Variants in RASAL1 observed in about 807,000 individuals in gnomAD.
RASAL1 encodes the protein rasGAP-activating-like protein 1.
RASAL1 carries 72 observed loss-of-function variants against 96.6 expected under a neutral mutation model. That is an observed-to-expected ratio of 0.75 (90% confidence interval 0.62 to 0.91). The LOEUF (loss-of-function observed/expected upper bound fraction) is 0.91, where lower values mean the gene tolerates loss of function less well. Among genes scored for constraint, RASAL1 ranks in the 40% least tolerant of loss-of-function variants. The pLI, the probability that RASAL1 is intolerant of heterozygous loss-of-function variation, is 0.00. For synonymous variants in RASAL1, 405 were observed against 430.4 expected, an observed-to-expected ratio of 0.94 and a Z score of 0.73; for missense variants, 1,016 against 1,072.5, an observed-to-expected ratio of 0.95 and a Z score of 0.74.
chr12:113,132,556 C>T (rs774726096), intron 1 of RASAL1, among the ~76,000 whole-genome samples: 5 of 152,218 alleles, frequency 3.3e-5, no homozygotes, highest in African/African-American at 7.2e-5. Flanking sequence ...CCCTCTCCCT[C>T]GATGCCCCAG....
chr12:113,107,006 T>G lies in RASAL1; in HGVS notation c.1657+91A>C, dbSNP rs964691223. 11 of 1,365,320 alleles carry G rather than the reference T, an allele frequency of 8.1e-6. No individual in the cohort carries two copies. The African/African-American group carries it at 1.5e-4, about 18-fold the overall frequency. 84.6% of individuals were successfully genotyped at this position (1,365,320 alleles called of 1,614,324 possible). A position where few individuals can be genotyped will look rare whatever the true frequency, so the allele number is the denominator to read the frequency against. On this transcript the variant is annotated intron_variant, in intron 15 of 20. Coordinates refer to ENST00000548055, the MANE Select transcript of RASAL1 (RefSeq NM_001301202.2). ...CTGACCCACAGATTCACATTCTTAG[T>G]GCTGAGGAGCTGGAGGGGGAAAGGG...
intron 14 of RASAL1, 134 bp downstream of exon 14, chr12:113,107,951 A>AGTT (rs2136129024): frequency 9.9e-7 from 1 of 1,008,812 alleles, no homozygotes; most frequent in Non-Finnish European, 1.4e-6. Flanking sequence ...TGGAATGCTA[A>AGTT]CGGTGGTGTT....
At chr12:113,127,606 C>T (rs575238492) in intron 4 of RASAL1, among the ~76,000 whole-genome samples, 26 of 152,284 alleles carry the variant, frequency 1.7e-4, no homozygotes, top group African/African-American at 5.3e-4. Context: ...GCTATGATAG[C>T]ACCACCGCAC....
Position 113,125,418 on chromosome 12 carries a change from C to T in RASAL1, c.298+2394G>A, listed in dbSNP as rs534048968. 2.0e-5 allele frequency among the ~76,000 whole-genome samples: 3 copies of T among 151,932 alleles called. 1 individual carries two copies. In the South Asian group the frequency reaches 6.2e-4, roughly 32 times the overall value. On this transcript the variant is annotated intron_variant, in intron 4 of 20. Transcript: ENST00000548055. ...CAAATCAATAAGAAAAGGCAAACAA[C>T]CTAGTGGGGGGAAATTCATGTATAA...
chr12:113,115,227 T>C lies in RASAL1; in HGVS notation c.1041A>G (p.Ala347=), dbSNP rs1476960167. 5 of 1,613,860 alleles carry C rather than the reference T, an allele frequency of 3.1e-6. No individual in the cohort carries two copies. Among genetic ancestry groups the C allele is most frequent in the East Asian group, 4.5e-5 (2 of 44,888 alleles). The change falls in exon 11 of 21, where the codon GCA becomes GCG. Residue 347 remains alanine (A), a synonymous_variant. Transcript: ENST00000548055. This position sits in a 1 kb window ranked among gnomAD's most constrained non-coding sequence, Gnocchi z 4.1. ...TCATAAACTGTTCCATCGACTTGGA[T>C]GCCAGGGAGTTAGAACGGAAGAGGG... ...PNTLFRSNSL[A]SKSMEQFMKL...
intron 16 of RASAL1, 28 bp from the exon 17 acceptor site, chr12:113,104,326 T>A: frequency 2.6e-6 from 4 of 1,531,942 alleles, no homozygotes; most frequent in Non-Finnish European, 3.5e-6. Context: ...CGCTGCAGGA[T>A]GGGCTGGGGG....
Position 113,117,148 on chromosome 12 carries a change from G to A in RASAL1, c.656C>T (p.Pro219Leu), listed in dbSNP as rs771387920. 3.1e-6 allele frequency: 5 copies of A among 1,601,560 alleles called. No homozygotes were observed. In the South Asian group the frequency reaches 5.5e-5, roughly 18 times the overall value. ...NDFLGMVEFS[P>L]KTLQQKPPKG... ...AGGTGGCTTCTGCTGGAGGGTCTTTGGAGAGAACTCCACCTTTTGAGAGAG... is the reference window on the plus strand; with the variant it reads ...AGGTGGCTTCTGCTGGAGGGTCTTTAGAGAGAACTCCACCTTTTGAGAGAG... Residue 219 changes from proline (P) to leucine (L), a missense_variant, in exon 8 of 21, where the codon CCA (proline) becomes CTA (leucine). Coordinates refer to ENST00000548055, the MANE Select transcript of RASAL1 (RefSeq NM_001301202.2).
intron 13 of RASAL1, among the ~76,000 whole-genome samples, chr12:113,111,328 A>G (rs2136151113): frequency 6.6e-6 from 1 of 152,004 alleles, no homozygotes; most frequent in East Asian, 1.9e-4. Flanking sequence ...GCCAGACTCT[A>G]TTATTTGCTG....
intron 7 of RASAL1, 135 bp downstream of exon 7, chr12:113,118,993 G>T: frequency 1.8e-6 from 2 of 1,138,682 alleles, no homozygotes; most frequent in Non-Finnish European, 2.5e-6. Flanking sequence ...CAACACTCAG[G>T]CCTAACCAGG....
At position 113,115,333 on chromosome 12, in the gene RASAL1, G is replaced by T; in HGVS notation, c.1004-69C>A. On this transcript the variant is annotated intron_variant, in intron 10 of 20. Transcript: ENST00000548055. This position sits in a 1 kb window ranked among gnomAD's most constrained non-coding sequence, Gnocchi z 4.1. ...AACCCAGCTCACCCCACTCACCCAA[G>T]GTGGGAGTCATGATTCTTCCAGCCC... 1 of 1,397,280 alleles carries T rather than the reference G, an allele frequency of 7.2e-7. No homozygotes were observed. The highest frequency in any genetic ancestry group is 1.2e-5 in the South Asian group (1 of 86,562). The allele number at this position is 1,397,280 out of a possible 1,614,324, so 86.6% of individuals were successfully genotyped here.
At chr12:113,105,300 T>C (rs898255118) in intron 16 of RASAL1, among the ~76,000 whole-genome samples, 25 of 152,256 alleles carry the variant, frequency 1.6e-4, no homozygotes, top group African/African-American at 5.5e-4. Context: ...GTTTGCTGAA[T>C]GAATGAACGA....
intron 14 of RASAL1, chr12:113,107,607 A>T (rs757614142): frequency 2.2e-5 from 10 of 445,578 alleles, no homozygotes; most frequent in Non-Finnish European, 4.4e-5. Context: ...TGGGTGACAG[A>T]GCGAGACTTG....
chr12:113,131,043 A>T, intron 1 of RASAL1, 102 bp from the exon 2 acceptor site: 1 of 829,530 alleles, frequency 1.2e-6, no homozygotes. Context: ...GCACAGACAG[A>T]GAAGGGGACT....
In RASAL1 at chr12:113,135,624, G is replaced by C; in HGVS notation, c.-162C>G. 1 of 648,088 alleles carries C rather than the reference G, an allele frequency of 1.5e-6. No homozygotes were observed. Among genetic ancestry groups the C allele is most frequent in the African/African-American group, 1.8e-5 (1 of 55,134 alleles). 40.1% of individuals were successfully genotyped at this position (648,088 alleles called of 1,614,324 possible). On this transcript the variant is annotated 5_prime_UTR_variant, in exon 1 of 21. Transcript: ENST00000548055. The surrounding 1 kb of genome is among the most constrained non-coding windows in gnomAD (Gnocchi z 5.7). ...GCTGGATGGGAGATTTCCGAAAGAGGAGAAGGTGTAGGTGCCCGGGGAGGG... is the reference window on the plus strand; with the variant it reads ...GCTGGATGGGAGATTTCCGAAAGAGCAGAAGGTGTAGGTGCCCGGGGAGGG...
At position 113,127,846 on chromosome 12, in the gene RASAL1, C is replaced by T. The variant is rs758585183; in HGVS notation, c.264G>A (p.Ser88=). The stretch of plus-strand genomic sequence containing the variant: ...CGGCTGTAATCGCCTCCCTGCTCAG[C>T]GAGATCTTGCCGATGATGTCGTCGT... ...VGHDDIIGKI[S]LSREAITADP... is the part of the protein sequence containing the mutation. The change falls in exon 4 of 21, where the codon TCG becomes TCA. Residue 88 remains serine (S), a synonymous_variant. Transcript: ENST00000548055. 1.6e-5 allele frequency: 26 copies of T among 1,613,206 alleles called. No homozygotes were observed. The African/African-American group carries it at 2.8e-4, about 17-fold the overall frequency.
chr12:113,117,185 C>T, intron 7 of RASAL1, 24 bp from the exon 8 acceptor site: 1 of 1,537,974 alleles, frequency 6.5e-7, no homozygotes, highest in Non-Finnish European at 8.9e-7. Context: ...CACACAGACC[C>T]TCAGCCGGGC....
At chr12:113,120,121 C>T (rs574341399) in intron 5 of RASAL1, among the ~76,000 whole-genome samples, 8 of 152,286 alleles carry the variant, frequency 5.3e-5, no homozygotes, top group Admixed American at 3.9e-4. Flanking sequence ...TCCTTCTTGA[C>T]GTTCTCCAAA....
intron 16 of RASAL1, 102 bp from the exon 17 acceptor site, chr12:113,104,400 G>T: frequency 8.2e-7 from 1 of 1,214,826 alleles, no homozygotes; most frequent in Non-Finnish European, 1.2e-6. Flanking sequence ...AGTTCCCAGC[G>T]GCGGGACATT....
intron 1 of RASAL1, among the ~76,000 whole-genome samples, chr12:113,131,247 T>TGGGGGGGGG (rs377751569): frequency 1.0e-4 from 2 of 19,564 alleles, no homozygotes; most frequent in Admixed American, 4.9e-4. Context: ...AGAGCGTGTG[T>TGGGGGGGGG]GGGGGGGGTG....
Sources: gnomAD v4.1 joint callset for allele counts (sites outside exome capture counted in the v4.1 genomes callset) on GRCh38, gnomAD v4.1.1 for gene constraint, Gnocchi (gnomAD v3.1) non-coding constraint, MANE v1.5 for transcripts, NCBI Gene and HGNC (gene_info 2026-07-23, HGNC 2026-07-21) for gene names.